Variants in NEK10 observed in about 807,000 individuals in gnomAD.
NEK10 encodes NIMA related kinase 10.
NEK10 carries 122 observed loss-of-function variants against 159.8 expected under a neutral mutation model. That is an observed-to-expected ratio of 0.76 (90% CI 0.66 to 0.89). NEK10 has a LOEUF of 0.89. NEK10 is among the 40% of genes least tolerant of loss of function. NEK10 has a pLI of 0.00. For missense variants in NEK10, 1,342 were observed against 1,323.1 expected, an observed-to-expected ratio of 1.01 and a Z score of -0.22; for synonymous variants, 466 against 457.1, an observed-to-expected ratio of 1.02 and a Z score of -0.25.
At chr3:27,308,884 A>T (rs1332618899) in intron 10 of NEK10, 42 bp downstream of exon 10, 3 of 928,590 alleles carry the variant, frequency 3.2e-6, no homozygotes, top group African/African-American at 3.3e-5. Flanking sequence ...CTAAATTGCT[A>T]TAGTAGCAGA....
chr3:27,184,947 C>T (rs1157826678), intron 26 of NEK10, among the ~76,000 whole-genome samples: 1 of 152,002 alleles, frequency 6.6e-6, no homozygotes, highest in East Asian at 1.9e-4. Context: ...ATAAATAGCA[C>T]ATTTTTTAAT....
At chr3:27,157,319 A>T (rs1440089246) in intron 30 of NEK10, among the ~76,000 whole-genome samples, 1 of 152,162 alleles carries the variant, frequency 6.6e-6, no homozygotes, top group East Asian at 1.9e-4. Flanking sequence ...AAATTTAAAA[A>T]ATTTAAAAAA....
chr3:27,204,753 G>A (rs368978991), intron 23 of NEK10, among the ~76,000 whole-genome samples: 1 of 140,564 alleles, frequency 7.1e-6, no homozygotes, highest in Non-Finnish European at 1.6e-5. Context: ...TATTGTGAAT[G>A]ATGCCGCAAT....
At chr3:27,316,340 G>C (rs910361576) in intron 6 of NEK10, among the ~76,000 whole-genome samples, 1 of 152,114 alleles carries the variant, frequency 6.6e-6, no homozygotes, top group Non-Finnish European at 1.5e-5. Context: ...AAGAAAGATT[G>C]GAAGAAAAGA....
At chr3:27,188,053 C>T (rs1948779849) in intron 26 of NEK10, among the ~76,000 whole-genome samples, 1 of 152,160 alleles carries the variant, frequency 6.6e-6, no homozygotes, top group Non-Finnish European at 1.5e-5. Context: ...TTTCCCTTTC[C>T]TTGTGCAATT....
At chr3:27,328,456 G>C (rs1333928160) in intron 5 of NEK10, among the ~76,000 whole-genome samples, 1 of 152,200 alleles carries the variant, frequency 6.6e-6, no homozygotes, top group Non-Finnish European at 1.5e-5. Flanking sequence ...CCATATGGAT[G>C]TCTAGGTCAG....
At chr3:27,120,038 T>C (rs1380940873) in intron 32 of NEK10, among the ~76,000 whole-genome samples, 170 bp from the exon 33 acceptor site, 1 of 152,206 alleles carries the variant, frequency 6.6e-6, no homozygotes, top group East Asian at 1.9e-4. Flanking sequence ...TCCAAAAGAA[T>C]TTATAAATTG....
chr3:27,305,647 C>T (rs562758163), intron 11 of NEK10, among the ~76,000 whole-genome samples: 136 of 147,470 alleles, frequency 9.2e-4, no homozygotes, highest in Non-Finnish European at 1.7e-3. Flanking sequence ...TAATAAAAGC[C>T]TTATTCTAGT....
Position 27,284,712 on chromosome 3 carries a change from C to T in NEK10, c.1912-8G>A. 1 of 1,595,834 alleles carries T rather than the reference C, an allele frequency of 6.3e-7. No homozygotes were observed. The highest frequency in any genetic ancestry group is 8.6e-7 in the Non-Finnish European group (1 of 1,163,750). The stretch of plus-strand genomic sequence containing the variant: ...TCGAAGAGCTAAGCACAGCTTGAAA[C>T]AATGAATAGAAAACAAATTTTATTT... On this transcript the variant is annotated splice_region_variant and splice_polypyrimidine_tract_variant and intron_variant, in intron 21 of 35. Coordinates refer to ENST00000691995, the MANE Select transcript of NEK10 (RefSeq NM_001394966.1).
intron 23 of NEK10, among the ~76,000 whole-genome samples, chr3:27,245,684 T>C (rs1954988881): frequency 6.6e-6 from 1 of 152,218 alleles, no homozygotes; most frequent in African/African-American, 2.4e-5. Context: ...AACTAAATTT[T>C]GGGATGGATT....
chr3:27,230,610 C>T (rs1953133973), intron 23 of NEK10, among the ~76,000 whole-genome samples: 1 of 152,012 alleles, frequency 6.6e-6, no homozygotes, highest in South Asian at 2.1e-4. Context: ...CAAATATCTG[C>T]TGTCCTCAAG....
chr3:27,263,906 G>T (rs1397480334), intron 22 of NEK10, among the ~76,000 whole-genome samples: 1 of 152,268 alleles, frequency 6.6e-6, no homozygotes, highest in East Asian at 1.9e-4. Flanking sequence ...CTTCTGCGTC[G>T]CTCATGCTGG....
At chr3:27,208,410 C>T (rs924102245) in intron 23 of NEK10, among the ~76,000 whole-genome samples, 4 of 152,068 alleles carry the variant, frequency 2.6e-5, no homozygotes, top group South Asian at 2.1e-4. Context: ...AATATAACCT[C>T]GTCCCACAAG....
At chr3:27,119,386 G>C (rs1342350931) in intron 33 of NEK10, among the ~76,000 whole-genome samples, 1 of 152,130 alleles carries the variant, frequency 6.6e-6, no homozygotes, top group East Asian at 1.9e-4. Context: ...TTCTTTAGGT[G>C]AGTTTCAAGG....
chr3:27,339,788 A>C (rs2047072206), intron 5 of NEK10, among the ~76,000 whole-genome samples: 1 of 151,978 alleles, frequency 6.6e-6, no homozygotes, highest in Non-Finnish European at 1.5e-5. Flanking sequence ...CAAAAAAAAA[A>C]AAAAAAAACC....
At chr3:27,324,427 C>T (rs369651869) in intron 5 of NEK10, among the ~76,000 whole-genome samples, 8 of 152,158 alleles carry the variant, frequency 5.3e-5, no homozygotes, top group South Asian at 4.1e-4. Context: ...TTCATGAACT[C>T]CCCCTCAAGC....
At chr3:27,328,029 T>C (rs2046134726) in intron 5 of NEK10, among the ~76,000 whole-genome samples, 1 of 152,154 alleles carries the variant, frequency 6.6e-6, no homozygotes, top group Admixed American at 6.5e-5. Context: ...TTAACAGGTC[T>C]TTGTTCTTTC....
At chr3:27,201,140 T>C (rs1208269741) in intron 25 of NEK10, among the ~76,000 whole-genome samples, 1 of 152,224 alleles carries the variant, frequency 6.6e-6, no homozygotes, top group Non-Finnish European at 1.5e-5. Flanking sequence ...ACATGGCTTT[T>C]TGTTTCATGT....
Position 27,326,062 on chromosome 3 carries a change from C to T in NEK10, c.363-3801G>A, listed in dbSNP as rs1230686674. The stretch of plus-strand genomic sequence containing the variant: ...ATCCAGGATGTACTATGGGTTCATC[C>T]TGACTTCAGATCAGACATACCCTGC... On this transcript the variant is annotated intron_variant, in intron 5 of 35. Coordinates refer to ENST00000691995, the MANE Select transcript of NEK10 (RefSeq NM_001394966.1). Among the ~76,000 whole-genome samples, 7 of 152,320 alleles carry T rather than the reference C, an allele frequency of 4.6e-5. No individual in the cohort carries two copies. In the East Asian group the frequency reaches 1.4e-3, roughly 29 times the overall value.
Sources: gnomAD v4.1 joint callset for allele counts (sites outside exome capture counted in the v4.1 genomes callset) on GRCh38, gnomAD v4.1.1 for gene constraint, MANE v1.5 for transcripts, NCBI Gene and HGNC (gene_info 2026-07-23, HGNC 2026-07-21) for gene names.